PTPRD: variants seen among roughly 807,000 people sequenced by gnomAD.
The protein encoded by PTPRD is protein tyrosine phosphatase receptor type D.
A neutral mutation model predicts 214.5 loss-of-function variants in PTPRD; 34 were observed. The ratio of observed to expected loss-of-function variants is 0.16; its 90% CI spans 0.12 to 0.21. PTPRD has a LOEUF of 0.21. Ranked by LOEUF, PTPRD falls within the 10% of genes least tolerant of loss-of-function variation. The pLI, the probability that PTPRD is intolerant of heterozygous loss-of-function variation, is 1.00. For synonymous variants in PTPRD, 1,128 were observed against 845.7 expected (o/e 1.33, Z -5.79); for missense variants, 2,545 against 2,398.7 (o/e 1.06, Z -1.27).
At chr9:9,683,150 C>G (rs1056790474) in intron 7 of PTPRD, among the ~76,000 whole-genome samples, 1 of 151,688 alleles carries the variant, frequency 6.6e-6, no homozygotes, top group Non-Finnish European at 1.5e-5. Context: ...ATTGGTGGAA[C>G]CATTTGGACG....
At chr9:8,991,218 CAAAA>C (rs575292337) in intron 11 of PTPRD, among the ~76,000 whole-genome samples, 1 of 57,410 alleles carries the variant, frequency 1.7e-5, no homozygotes. Flanking sequence ...CACTCTGTCT[CAAAA>C]AAAAAAAAAA....
At chr9:9,487,217 C>T (rs559680422) in intron 8 of PTPRD, among the ~76,000 whole-genome samples, 1 of 151,872 alleles carries the variant, frequency 6.6e-6, no homozygotes, top group Non-Finnish European at 1.5e-5. Flanking sequence ...CCCTTCCCCC[C>T]ACCCAACAAC....
intron 2 of PTPRD, among the ~76,000 whole-genome samples, chr9:10,485,328 C>A (rs1368306190): frequency 6.6e-6 from 1 of 151,950 alleles, no homozygotes; most frequent in Non-Finnish European, 1.5e-5. Context: ...TTGCCCATCA[C>A]AGTTTAGACT....
chr9:9,633,133 A>C (rs1205082730), intron 7 of PTPRD, among the ~76,000 whole-genome samples: 1 of 152,018 alleles, frequency 6.6e-6, no homozygotes, highest in Non-Finnish European at 1.5e-5. Context: ...TGTCTCTACT[A>C]AAAATACAAA....
intron 14 of PTPRD, among the ~76,000 whole-genome samples, chr9:8,553,572 A>T (rs1047828188): frequency 6.6e-6 from 1 of 152,158 alleles, no homozygotes; most frequent in Non-Finnish European, 1.5e-5. Context: ...ATAAATACGA[A>T]AGCTATAGAA....
chr9:8,502,848 G>GTGTATATATATATATATATATATATA (rs1554658829), intron 23 of PTPRD, among the ~76,000 whole-genome samples: 55 of 147,042 alleles, frequency 3.7e-4, no homozygotes, highest in African/African-American at 1.3e-3. Context: ...ATGTGTGTGT[G>GTGTATATATATATATATATATATATA]TATATATATA....
At chr9:10,197,247 A>G (rs1051816574) in intron 3 of PTPRD, among the ~76,000 whole-genome samples, 3 of 152,076 alleles carry the variant, frequency 2.0e-5, no homozygotes, top group African/African-American at 7.2e-5. Flanking sequence ...ATGATAACTT[A>G]CTTTTACTTT....
intron 6 of PTPRD, among the ~76,000 whole-genome samples, chr9:9,758,359 T>C (rs1475963728): frequency 1.3e-5 from 2 of 152,182 alleles, no homozygotes; most frequent in East Asian, 1.9e-4. Flanking sequence ...CCTTCTCATA[T>C]GTGAAGACTG....
intron 11 of PTPRD, among the ~76,000 whole-genome samples, chr9:8,942,546 A>C (rs1054556466): frequency 6.6e-6 from 1 of 152,182 alleles, no homozygotes; most frequent in African/African-American, 2.4e-5. Flanking sequence ...AGAAATTAAA[A>C]TAACAGCAGT....
In PTPRD at chr9:9,317,357, T is replaced by A. The variant is rs149677153; in HGVS notation, c.-203+80092A>T. On this transcript the variant is annotated intron_variant, in intron 9 of 45. Coordinates refer to ENST00000381196, the MANE Select transcript of PTPRD (RefSeq NM_002839.4). ...TTTTCCCTTGGAAGTTTCACAAGCA[T>A]GTCAAACTCAATATTTCTAAAACAA... Among the ~76,000 whole-genome samples the A allele has an allele frequency of 5.1e-3, 770 of 152,340 alleles. 4 individuals carry two copies. Among genetic ancestry groups the A allele is most frequent in the African/African-American group, 0.018 (733 of 41,576 alleles).
chr9:8,336,305 C>A (rs1381160833), intron 43 of PTPRD, among the ~76,000 whole-genome samples: 1 of 149,132 alleles, frequency 6.7e-6, no homozygotes, highest in East Asian at 1.9e-4. Flanking sequence ...CACACATCTG[C>A]AAACATCTTA....
intron 7 of PTPRD, among the ~76,000 whole-genome samples, chr9:9,604,411 T>C (rs981559161): frequency 3.3e-5 from 5 of 152,096 alleles, no homozygotes; most frequent in African/African-American, 1.2e-4. Flanking sequence ...AAATAATTTA[T>C]ACATAAAATA....
At chr9:8,397,553 T>C (rs2091481131) in intron 36 of PTPRD, among the ~76,000 whole-genome samples, 1 of 152,144 alleles carries the variant, frequency 6.6e-6, no homozygotes, top group South Asian at 2.1e-4. Flanking sequence ...TTTTACAGCA[T>C]GGGTACAATG....
chr9:8,794,816 G>C (rs62530574), intron 11 of PTPRD, among the ~76,000 whole-genome samples: 14,118 of 151,566 alleles, frequency 0.093, 689 homozygotes, highest in East Asian at 0.19. Flanking sequence ...ACAATGCAAT[G>C]ACTCAGGATT....
intron 5 of PTPRD, among the ~76,000 whole-genome samples, chr9:9,854,755 A>T (rs998254175): frequency 3.3e-5 from 5 of 152,094 alleles, no homozygotes; most frequent in African/African-American, 9.7e-5. Context: ...ACCCCCAGAA[A>T]ACCAGCAAAA....
At chr9:10,328,189 T>G (rs2096679831) in intron 3 of PTPRD, among the ~76,000 whole-genome samples, 1 of 151,740 alleles carries the variant, frequency 6.6e-6, no homozygotes, top group African/African-American at 2.4e-5. Flanking sequence ...TTAAATATAC[T>G]GTAATACACT....
chr9:9,694,892 A>C (rs2097342466), intron 7 of PTPRD, among the ~76,000 whole-genome samples: 1 of 152,072 alleles, frequency 6.6e-6, no homozygotes, highest in Non-Finnish European at 1.5e-5. Flanking sequence ...CAGGTCCAGA[A>C]ATGCCGTCCA....
chr9:8,731,508 TA>T (rs1447527648), intron 12 of PTPRD, among the ~76,000 whole-genome samples: 2 of 152,214 alleles, frequency 1.3e-5, no homozygotes, highest in Non-Finnish European at 2.9e-5. Context: ...TGATAGTGAA[TA>T]AATCAAATTT....
chr9:10,270,437 C>A (rs750546858), intron 3 of PTPRD, among the ~76,000 whole-genome samples: 6 of 152,052 alleles, frequency 3.9e-5, no homozygotes, highest in Non-Finnish European at 8.8e-5. Flanking sequence ...ACTAATGAGA[C>A]TTGTTGTATA....
Sources: gnomAD v4.1 joint callset for allele counts (sites outside exome capture counted in the v4.1 genomes callset) on GRCh38, gnomAD v4.1.1 for gene constraint, MANE v1.5 for transcripts, NCBI Gene and HGNC (gene_info 2026-07-23, HGNC 2026-07-21) for gene names.